TFB2M: variants seen among roughly 807,000 people sequenced by gnomAD.
The protein encoded by TFB2M is transcription factor B2, mitochondrial, also known as dimethyladenosine transferase 2, mitochondrial.
Under a neutral mutation model 41.3 loss-of-function variants are expected in TFB2M, and 44 were observed. That is an observed-to-expected ratio of 1.07 (90% CI 0.84 to 1.37). TFB2M has a LOEUF of 1.37. TFB2M is among the 40% of genes most tolerant of loss of function. TFB2M has a pLI of 0.00. For synonymous variants in TFB2M, 188 were observed against 176.8 expected (o/e 1.06, Z -0.50); for missense variants, 496 against 490.2 (o/e 1.01, Z -0.11).
In TFB2M at chr1:246,548,486, A is replaced by T. The variant is rs12087297; in HGVS notation, c.858+59T>A. The T allele has an allele frequency of 0.015, 19,829 of 1,289,608 alleles. 2,200 individuals carry two copies. The African/African-American group carries it at 0.25, about 16-fold the overall frequency. The allele number at this position is 1,289,608 out of a possible 1,614,324, so 79.9% of individuals were successfully genotyped here. A position where few individuals can be genotyped will look rare whatever the true frequency, so the allele number is the denominator to read the frequency against. ...CAGACTACCAAATAGTCCTAAAAAA[A>T]TAAAATAAAAAATACGTCACGTAGG... On this transcript the variant is annotated intron_variant, in intron 6 of 7. Coordinates refer to ENST00000366514, the MANE Select transcript of TFB2M (RefSeq NM_022366.3).
At chr1:246,561,735 C>T (rs1659460968) in intron 2 of TFB2M, among the ~76,000 whole-genome samples, 1 of 152,222 alleles carries the variant, frequency 6.6e-6, no homozygotes, top group Non-Finnish European at 1.5e-5. Context: ...TCCCAAAGTG[C>T]TGGGATTACA....
chr1:246,548,129 T>C (rs907422281), intron 6 of TFB2M, among the ~76,000 whole-genome samples: 3 of 152,152 alleles, frequency 2.0e-5, no homozygotes, highest in Non-Finnish European at 2.9e-5. Flanking sequence ...GTATTTTTAA[T>C]AGAGGCGGGG....
intron 4 of TFB2M, among the ~76,000 whole-genome samples, chr1:246,553,869 T>C: frequency 6.6e-6 from 1 of 152,044 alleles, no homozygotes. Flanking sequence ...CCATATAGAA[T>C]CTCGAGGAAA....
In TFB2M at chr1:246,557,386, G is replaced by C. The variant is rs1205910132; in HGVS notation, c.551C>G (p.Thr184Arg). 7 of 1,610,966 alleles carry C rather than the reference G, an allele frequency of 4.3e-6. No individual in the cohort carries two copies. Among genetic ancestry groups the C allele is most frequent in the Non-Finnish European group, 5.1e-6 (6 of 1,179,176 alleles). The change falls in exon 3 of 8, where the codon ACA becomes AGA. Residue 184 changes from threonine to arginine, a missense_variant. Thr to Arg is a moderately conservative substitution (Grantham distance 71). Coordinates refer to ENST00000366514, the MANE Select transcript of TFB2M (RefSeq NM_022366.3). ...KNLGIEAVPW[T>R]ADIPLKVVGM... ...TAGTAAATTCCAAAAATGACCTGCT[G>C]TCCAAGGAACTGCTTCTATTCCCAA...
At chr1:246,541,331 A>G in intron 7 of TFB2M, 129 bp from the exon 8 acceptor site, 2 of 828,862 alleles carry the variant, frequency 2.4e-6, no homozygotes, top group Non-Finnish European at 3.7e-6. Context: ...TATAATGGAC[A>G]CGGGAGAATC....
Position 246,559,447 on chromosome 1 carries a change from G to A in TFB2M, c.403-1913C>T, listed in dbSNP as rs551844822. On this transcript the variant is annotated intron_variant, in intron 2 of 7. Transcript: ENST00000366514. ...CCCTGTAACTCCAGCTATTGGGGAG[G>A]TGAAGTGGGAGAAATCGCTTGAACC... Among the ~76,000 whole-genome samples, 3 of 152,290 alleles carry A rather than the reference G, an allele frequency of 2.0e-5. No homozygotes were observed. In the East Asian group the frequency reaches 5.8e-4, roughly 29 times the overall value.
chr1:246,563,420 A>G (rs1659509285), intron 2 of TFB2M, among the ~76,000 whole-genome samples: 4 of 152,104 alleles, frequency 2.6e-5, no homozygotes, highest in Admixed American at 6.6e-5. Context: ...CCTGGCCAAC[A>G]TGGTGAAACC....
chr1:246,552,915 A>C (rs1471552603), intron 4 of TFB2M, among the ~76,000 whole-genome samples: 1 of 151,672 alleles, frequency 6.6e-6, no homozygotes, highest in Non-Finnish European at 1.5e-5. Flanking sequence ...CTCTATTTAA[A>C]AACAAAGGGA....
At chr1:246,548,449 A>G (rs1424443428) in intron 6 of TFB2M, 96 bp downstream of exon 6, 10 of 1,024,626 alleles carry the variant, frequency 9.8e-6, no homozygotes, top group African/African-American at 1.6e-5. Context: ...TTTAAAATTA[A>G]AAAGTTAAAT....
In TFB2M at chr1:246,540,644, C is replaced by T. The variant is rs1300710336; in HGVS notation, c.*387G>A. 6.1e-6 allele frequency: 1 copy of T among 164,698 alleles called. No homozygotes were observed. Among genetic ancestry groups the T allele is most frequent in the Non-Finnish European group, 1.3e-5 (1 of 76,144 alleles). The allele number at this position is 164,698 out of a possible 1,614,324, so 10.2% of individuals were successfully genotyped here. A position where few individuals can be genotyped will look rare whatever the true frequency, so the allele number is the denominator to read the frequency against. On this transcript the variant is annotated 3_prime_UTR_variant, in exon 8 of 8. Transcript: ENST00000366514. ...TTTCATTGTACAGTACTTGACAATACATTTCAACAAACTGAAAGGCAAACC... is the reference window on the plus strand; with the variant it reads ...TTTCATTGTACAGTACTTGACAATATATTTCAACAAACTGAAAGGCAAACC...
At position 246,558,669 on chromosome 1, in the gene TFB2M, T is replaced by G. The variant is rs565009326; in HGVS notation, c.403-1135A>C. ...TTAAAATATAAAAGTGAAAGGCAGA[T>G]GGATTCAAGAGAATATCTTTCTTCT... On this transcript the variant is annotated intron_variant, in intron 2 of 7. Transcript: ENST00000366514. Among the ~76,000 whole-genome samples, 19 of 152,364 alleles carry G rather than the reference T, an allele frequency of 1.2e-4. No homozygotes were observed. The South Asian group carries it at 3.9e-3, about 32-fold the overall frequency.
At position 246,541,022 on chromosome 1, in the gene TFB2M, G is replaced by A; in HGVS notation, c.*9C>T. 6.2e-7 allele frequency: 1 copy of A among 1,603,894 alleles called. No homozygotes were observed. Among genetic ancestry groups the A allele is most frequent in the Non-Finnish European group, 8.5e-7 (1 of 1,174,686 alleles). ...ATGAACCGCTCCACCAAAAACGACAGTCTAGTTGCTACCTATCTTCCAGGG... is the reference window on the plus strand; with the variant it reads ...ATGAACCGCTCCACCAAAAACGACAATCTAGTTGCTACCTATCTTCCAGGG... On this transcript the variant is annotated 3_prime_UTR_variant, in exon 8 of 8. Transcript: ENST00000366514.
At chr1:246,555,076 C>T (rs115949403) in intron 4 of TFB2M, among the ~76,000 whole-genome samples, 2,955 of 152,158 alleles carry the variant, frequency 0.019, 38 homozygotes, top group Non-Finnish European at 0.03. Flanking sequence ...ACAGTCAGTA[C>T]GTACATAAAA....
intron 4 of TFB2M, among the ~76,000 whole-genome samples, chr1:246,556,345 A>T (rs905780952): frequency 6.6e-6 from 1 of 152,196 alleles, no homozygotes; most frequent in Non-Finnish European, 1.5e-5. Flanking sequence ...GGGATGATGA[A>T]AAGTTTTGGA....
intron 7 of TFB2M, among the ~76,000 whole-genome samples, chr1:246,541,816 G>A (rs1658863493): frequency 6.6e-6 from 1 of 152,136 alleles, no homozygotes; most frequent in Admixed American, 6.6e-5. Flanking sequence ...TTGCTGTTTG[G>A]CAGTTTACAA....
At chr1:246,556,184 C>T (rs1481864512) in intron 4 of TFB2M, among the ~76,000 whole-genome samples, 12 of 152,004 alleles carry the variant, frequency 7.9e-5, no homozygotes, top group Admixed American at 6.6e-4. Flanking sequence ...AAGTGAAATA[C>T]GCCAGACACA....
rs1659330048 is a variant in TFB2M, at chr1:246,556,638, AG to A, written c.639del (p.Cys214ValfsTer10). On this transcript the variant is annotated frameshift_variant, in exon 4 of 8. Coordinates refer to ENST00000366514, the MANE Select transcript of TFB2M (RefSeq NM_022366.3). LOFTEE classifies it high-confidence loss of function. ...CGTCCAAATTTATATATAGAAGTAC[AG>A]GAATACAAGTCATATGCGAGTTTCC... ...ALWKLAYDLY[S>X]CTSIYKFGRI... 1 of 1,574,696 alleles carries A rather than the reference AG, an allele frequency of 6.4e-7. No homozygotes were observed. Among genetic ancestry groups the A allele is most frequent in the Non-Finnish European group, 8.6e-7 (1 of 1,164,596 alleles).
intron 2 of TFB2M, among the ~76,000 whole-genome samples, chr1:246,560,862 C>A (rs2102990394): frequency 1.3e-5 from 2 of 152,296 alleles, no homozygotes; most frequent in Non-Finnish European, 2.9e-5. Context: ...AGCCTGTAAT[C>A]CTAGCACTTT....
At chr1:246,542,346 CCAT>C (rs1372730252) in intron 7 of TFB2M, among the ~76,000 whole-genome samples, 1 of 151,632 alleles carries the variant, frequency 6.6e-6, no homozygotes, top group African/African-American at 2.4e-5. Flanking sequence ...TAGCAACAAA[CCAT>C]CAATAAGCCT....
Sources: gnomAD v4.1 joint callset for allele counts (sites outside exome capture counted in the v4.1 genomes callset) on GRCh38, gnomAD v4.1.1 for gene constraint, MANE v1.5 for transcripts, NCBI Gene and HGNC (gene_info 2026-07-23, HGNC 2026-07-21) for gene names.